The following RIPK2 variants were observed in gnomAD, a reference collection of about 807,000 sequenced individuals.
The protein encoded by RIPK2 is receptor interacting serine/threonine kinase 2, also known as receptor-interacting serine/threonine-protein kinase 2.
In RIPK2, 38 loss-of-function variants were observed where a neutral mutation model predicts 60.9. That is an observed-to-expected ratio of 0.62 (90% CI 0.48 to 0.82). The LOEUF is 0.82. RIPK2 is among the 40% of genes least tolerant of loss of function. RIPK2 has a pLI of 0.00. For missense variants in RIPK2, 518 were observed against 647.0 expected (o/e 0.80, Z 2.16); for synonymous variants, 225 against 223.4 (o/e 1.01, Z -0.06).
At position 89,784,061 on chromosome 8, in the gene RIPK2, T is replaced by G; in HGVS notation, c.951T>G (p.Val317=). The change falls in exon 8 of 11, where the codon GTT becomes GTG. Residue 317 remains valine, a synonymous_variant. Transcript: ENST00000220751. The part of the protein sequence containing the change: ...IQLKKTKLQS[V]SSAIHLCDKK... Reference sequence around the variant, plus strand: ...TGTATTCATTACAGTTACAGAGTGTTTCAAGTGCCATTCACCTATGTGACA... The same window carrying G: ...TGTATTCATTACAGTTACAGAGTGTGTCAAGTGCCATTCACCTATGTGACA... 6.4e-7 allele frequency: 1 copy of G among 1,563,816 alleles called. No individual in the cohort carries two copies. The highest frequency in any genetic ancestry group is 8.7e-7 in the Non-Finnish European group (1 of 1,146,036).
intron 8 of RIPK2, among the ~76,000 whole-genome samples, chr8:89,786,387 T>A (rs182141449): frequency 1.1e-4 from 16 of 152,028 alleles, no homozygotes; most frequent in Non-Finnish European, 2.2e-4. Flanking sequence ...GATGGGAGGT[T>A]CACCTGAGTT....
In RIPK2 at chr8:89,761,013, A is replaced by G. The variant is rs1239315817; in HGVS notation, c.174-1816A>G. Among the ~76,000 whole-genome samples, 5 of 152,342 alleles carry G rather than the reference A, an allele frequency of 3.3e-5. No individual in the cohort carries two copies. In the East Asian group the frequency reaches 9.6e-4, roughly 29 times the overall value. ...CACAAACTGATACTGGTTTCCTAGC[A>G]GTTGGAGTATTAAGTGATTGAAGGA... On this transcript the variant is annotated intron_variant, in intron 1 of 10. Transcript: ENST00000220751.
At position 89,789,314 on chromosome 8, in the gene RIPK2, T is replaced by G. The variant is rs764732246; in HGVS notation, c.1124-7T>G. 1.2e-6 allele frequency: 2 copies of G among 1,612,476 alleles called. No individual in the cohort carries two copies. Among genetic ancestry groups the G allele is most frequent in the Non-Finnish European group, 1.7e-6 (2 of 1,179,000 alleles). On this transcript the variant is annotated splice_polypyrimidine_tract_variant and splice_region_variant and intron_variant, in intron 9 of 10. Transcript: ENST00000220751. The stretch of plus-strand genomic sequence containing the variant: ...TCTACTTCTAATGAAGATGTTGTAT[T>G]TTGTAGGAAAAGCTCAAGACTGTTA...
At chr8:89,779,506 G>C (rs968003300) in intron 6 of RIPK2, among the ~76,000 whole-genome samples, 1 of 151,912 alleles carries the variant, frequency 6.6e-6, no homozygotes, top group Non-Finnish European at 1.5e-5. Context: ...ATTTTTAGTA[G>C]AGACGGGGTT....
At chr8:89,777,033 C>A (rs1342431424) in intron 6 of RIPK2, among the ~76,000 whole-genome samples, 1 of 152,162 alleles carries the variant, frequency 6.6e-6, no homozygotes, top group Non-Finnish European at 1.5e-5. Flanking sequence ...ACCCAGTGGA[C>A]ACTCAGGGTC....
At chr8:89,759,402 T>G (rs1037362169) in intron 1 of RIPK2, 1 of 456,150 alleles carries the variant, frequency 2.2e-6, no homozygotes, top group African/African-American at 2.0e-5. Context: ...CTCCTATATC[T>G]AATGTGAAAA....
rs757940308 is a variant in RIPK2 at position 89,771,727 on chromosome 8, C to T, written c.642-14C>T. 2 of 1,568,836 alleles carry T rather than the reference C, an allele frequency of 1.3e-6. No individual in the cohort carries two copies. Among genetic ancestry groups the T allele is most frequent in the East Asian group, 4.5e-5 (2 of 44,376 alleles). On this transcript the variant is annotated splice_polypyrimidine_tract_variant and intron_variant, in intron 4 of 10. Transcript: ENST00000220751. The stretch of plus-strand genomic sequence containing the variant: ...ATTTAAAATATGTAACATGTATGTT[C>T]TTATGTTAAACAGCTATGCAGTTAT...
chr8:89,761,148 T>C (rs1330613916), intron 1 of RIPK2, among the ~76,000 whole-genome samples: 3 of 152,222 alleles, frequency 2.0e-5, no homozygotes, highest in African/African-American at 4.8e-5. Flanking sequence ...TCTTTTGCTT[T>C]GTTTTTTTGT....
intron 2 of RIPK2, 100 bp downstream of exon 2, chr8:89,763,082 T>C (rs1809172299): frequency 1.4e-6 from 1 of 717,926 alleles, no homozygotes; most frequent in East Asian, 3.2e-5. Flanking sequence ...TAGGGGTATA[T>C]AGATGAATCA....
chr8:89,758,714 T>G (rs771319730), intron 1 of RIPK2, among the ~76,000 whole-genome samples: 1 of 152,180 alleles, frequency 6.6e-6, no homozygotes, highest in Non-Finnish European at 1.5e-5. Flanking sequence ...AATGTGCCCG[T>G]CCGAATTGAA....
chr8:89,770,123 T>C (rs898444241), intron 4 of RIPK2, among the ~76,000 whole-genome samples, 194 bp downstream of exon 4: 2 of 151,884 alleles, frequency 1.3e-5, no homozygotes, highest in African/African-American at 4.8e-5. Context: ...TAAGAAACTT[T>C]TACATCCTTT....
chr8:89,759,007 T>C (rs957717558), intron 1 of RIPK2, among the ~76,000 whole-genome samples: 5 of 152,232 alleles, frequency 3.3e-5, no homozygotes, highest in Non-Finnish European at 1.5e-5. Context: ...ATTTTGGTTT[T>C]GGTTTATTAT....
In RIPK2 at chr8:89,758,073, G is replaced by T; in HGVS notation, c.13G>T (p.Ala5Ser). ...AGCGCCCGGGACCATGAACGGGGAG[G>T]CCATCTGCAGCGCCCTGCCCACCAT... MNGE[A>S]ICSALPTIPY... is the part of the protein sequence containing the mutation. The change falls in exon 1 of 11, where the codon GCC becomes TCC. Residue 5 changes from alanine (A) to serine (S), a missense_variant. Around this residue, in one of 3 missense-constraint regions of RIPK2, gnomAD observed 448 missense variants for 534.7 expected, o/e 0.84. Transcript: ENST00000220751. 6.2e-7 allele frequency: 1 copy of T among 1,601,188 alleles called. No homozygotes were observed. The highest frequency in any genetic ancestry group is 8.5e-7 in the Non-Finnish European group (1 of 1,174,176).
At chr8:89,759,912 G>T (rs1427042570) in intron 1 of RIPK2, among the ~76,000 whole-genome samples, 1 of 152,192 alleles carries the variant, frequency 6.6e-6, no homozygotes, top group Non-Finnish European at 1.5e-5. Context: ...GAAGTGAAGA[G>T]GGAGTTTCCT....
chr8:89,786,774 G>A lies in RIPK2; in HGVS notation c.1123+88G>A, dbSNP rs1809594943. On this transcript the variant is annotated intron_variant, in intron 9 of 10. Coordinates refer to ENST00000220751, the MANE Select transcript of RIPK2 (RefSeq NM_003821.6). ...TTTGCAAGCAGTCATGATTTCTATG[G>A]AACTTTAATTTGCATATATAACTCA... 10 of 778,736 alleles carry A rather than the reference G, an allele frequency of 1.3e-5. No individual in the cohort carries two copies. The South Asian group carries it at 1.6e-4, about 12-fold the overall frequency. 48.2% of individuals were successfully genotyped at this position (778,736 alleles called of 1,614,324 possible). A position where few individuals can be genotyped will look rare whatever the true frequency, so the allele number is the denominator to read the frequency against.
intron 6 of RIPK2, among the ~76,000 whole-genome samples, chr8:89,775,361 G>T (rs1236729789): frequency 6.6e-6 from 1 of 152,166 alleles, no homozygotes; most frequent in Admixed American, 6.5e-5. Context: ...TGAGGCAGGA[G>T]GATTGCTTGA....
At position 89,790,573 on chromosome 8, in the gene RIPK2, A is replaced by AGG. The variant is rs1809661487; in HGVS notation, c.*157_*158insGG. On this transcript the variant is annotated 3_prime_UTR_variant, in exon 11 of 11. Transcript: ENST00000220751. ...TCCATGACACTGCAGTATTTTTTTT[A>AGG]ATTAATACAAGTAAAAAGTTTGAAT... is the stretch of plus-strand genomic sequence containing the variant. 1 of 530,652 alleles carries AGG rather than the reference A, an allele frequency of 1.9e-6. No homozygotes were observed. The highest frequency in any genetic ancestry group is 3.2e-6 in the Non-Finnish European group (1 of 310,762). The allele number at this position is 530,652 out of a possible 1,614,324, so 32.9% of individuals were successfully genotyped here. A position where few individuals can be genotyped will look rare whatever the true frequency, so the allele number is the denominator to read the frequency against.
intron 1 of RIPK2, among the ~76,000 whole-genome samples, chr8:89,761,784 ACTG>A (rs949414636): frequency 4.6e-5 from 7 of 151,958 alleles, no homozygotes; most frequent in Admixed American, 3.9e-4. Flanking sequence ...TCACTTAGTG[ACTG>A]CTAAGTGAAG....
chr8:89,787,515 T>A (rs1383864670), intron 9 of RIPK2, among the ~76,000 whole-genome samples: 1 of 152,134 alleles, frequency 6.6e-6, no homozygotes, highest in Non-Finnish European at 1.5e-5. Flanking sequence ...GGATCTGTAA[T>A]TACAAAGGAT....
Sources: allele counts gnomAD v4.1 joint callset (sites outside exome capture counted in the v4.1 genomes callset), GRCh38; gene constraint gnomAD v4.1.1; regional missense constraint gnomAD v4.1.1; transcripts MANE v1.5; gene names NCBI Gene and HGNC (gene_info 2026-07-23, HGNC 2026-07-21).